ARHGAP24: variants seen among roughly 807,000 people sequenced by gnomAD.
ARHGAP24 encodes the protein rho GTPase-activating protein 24.
In ARHGAP24, 50 loss-of-function variants were observed where a neutral mutation model predicts 76.4. The observed-to-expected ratio is 0.65, with a 90% confidence interval of 0.52 to 0.83. The LOEUF is 0.83. Among genes scored for constraint, ARHGAP24 ranks in the 40% least tolerant of loss-of-function variants. ARHGAP24 has a pLI of 0.00. For synonymous variants in ARHGAP24, 345 were observed against 323.3 expected (o/e 1.07, Z -0.72); for missense variants, 930 against 914.2 (o/e 1.02, Z -0.22).
chr4:85,912,967 G>C (rs1018432229), intron 3 of ARHGAP24, among the ~76,000 whole-genome samples: 3 of 152,048 alleles, frequency 2.0e-5, no homozygotes, highest in African/African-American at 7.2e-5. Flanking sequence ...ATCCTGAGAA[G>C]AGTGAAAAAT....
intron 3 of ARHGAP24, among the ~76,000 whole-genome samples, chr4:85,836,806 A>T (rs936080470): frequency 2.0e-5 from 3 of 152,224 alleles, no homozygotes; most frequent in African/African-American, 7.2e-5. Context: ...TAGCAGCATC[A>T]GTATCCTGTC....
Position 85,846,880 on chromosome 4 carries a change from G to T in ARHGAP24, c.269-76768G>T, listed in dbSNP as rs1246669629. ...ATTTATGTGTCAGGGTGAGATATCA[G>T]AGAAAAATTTACAATAATTTTACTG... On this transcript the variant is annotated intron_variant, in intron 3 of 9. Transcript: ENST00000395184. Among the ~76,000 whole-genome samples the T allele has an allele frequency of 2.0e-5, 3 of 152,186 alleles. No individual in the cohort carries two copies. In the East Asian group the frequency reaches 5.8e-4, roughly 29 times the overall value.
chr4:85,592,364 T>C (rs1728148995), intron 2 of ARHGAP24, among the ~76,000 whole-genome samples: 1 of 152,220 alleles, frequency 6.6e-6, no homozygotes, highest in Non-Finnish European at 1.5e-5. Context: ...ATTAGATTTG[T>C]CTCTATTGAG....
intron 3 of ARHGAP24, among the ~76,000 whole-genome samples, chr4:85,826,980 C>T: frequency 6.6e-6 from 1 of 152,166 alleles, no homozygotes; most frequent in South Asian, 2.1e-4. Flanking sequence ...TTCTCCACTT[C>T]TAAGAAGATC....
intron 2 of ARHGAP24, among the ~76,000 whole-genome samples, chr4:85,707,540 T>C (rs1031350565): frequency 6.6e-6 from 1 of 152,216 alleles, no homozygotes; most frequent in Non-Finnish European, 1.5e-5. Flanking sequence ...AGACTTTAGA[T>C]CCTCAGAAAC....
intron 3 of ARHGAP24, among the ~76,000 whole-genome samples, chr4:85,832,350 C>T (rs1330132273): frequency 2.0e-5 from 3 of 152,130 alleles, no homozygotes; most frequent in Admixed American, 6.5e-5. Flanking sequence ...GAGGTATGGG[C>T]TCTGGATTCG....
intron 3 of ARHGAP24, among the ~76,000 whole-genome samples, chr4:85,778,465 G>C (rs1727389147): frequency 6.6e-6 from 1 of 152,142 alleles, no homozygotes; most frequent in South Asian, 2.1e-4. Flanking sequence ...TTTGTTAACT[G>C]TGGCACTAAC....
At chr4:85,666,353 G>A (rs888955642) in intron 2 of ARHGAP24, among the ~76,000 whole-genome samples, 2 of 151,810 alleles carry the variant, frequency 1.3e-5, no homozygotes, top group East Asian at 3.9e-4. Context: ...TCAAGCTCCT[G>A]TAAGCACTTC....
chr4:85,778,777 C>T lies in ARHGAP24; in HGVS notation c.268+56805C>T, dbSNP rs1398468931. On this transcript the variant is annotated intron_variant, in intron 3 of 9. Transcript: ENST00000395184. Reference sequence around the variant, plus strand: ...TAGCTACAGGAAGAGTTTATATCCCCTTCTACAAGAAAACTTAAATATAGC... The same window carrying T: ...TAGCTACAGGAAGAGTTTATATCCCTTTCTACAAGAAAACTTAAATATAGC... 7 of 985,264 alleles carry T rather than the reference C, an allele frequency of 7.1e-6. No individual in the cohort carries two copies. The African/African-American group carries it at 8.7e-5, about 12-fold the overall frequency. The allele number at this position is 985,264 out of a possible 1,614,324, so 61.0% of individuals were successfully genotyped here.
intron 3 of ARHGAP24, among the ~76,000 whole-genome samples, chr4:85,880,290 G>A (rs1023807581): frequency 6.6e-6 from 1 of 152,148 alleles, no homozygotes; most frequent in Non-Finnish European, 1.5e-5. Flanking sequence ...ATGAAGTGAG[G>A]TGAATGGCAC....
chr4:85,506,191 A>T (rs1724040605), intron 1 of ARHGAP24, among the ~76,000 whole-genome samples: 2 of 152,126 alleles, frequency 1.3e-5, no homozygotes, highest in Admixed American at 1.3e-4. Context: ...GTTAGGCTAC[A>T]TGGGGGTCAG....
chr4:85,633,675 T>C (rs1304337489), intron 2 of ARHGAP24, among the ~76,000 whole-genome samples: 2 of 151,814 alleles, frequency 1.3e-5, no homozygotes, highest in Non-Finnish European at 3.0e-5. Flanking sequence ...AAATTAGAAT[T>C]CAGTTTGAGA....
Position 85,897,537 on chromosome 4 carries a change from A to G in ARHGAP24, c.269-26111A>G, listed in dbSNP as rs183986328. The stretch of plus-strand genomic sequence containing the variant: ...GACTTTCTGATACAAGTCATAATTT[A>G]CAAGTATTCAAATATCTAAAGAAAT... On this transcript the variant is annotated intron_variant, in intron 3 of 9. Coordinates refer to ENST00000395184, the MANE Select transcript of ARHGAP24 (RefSeq NM_001025616.3). Among the ~76,000 whole-genome samples, 48 of 152,356 alleles carry G rather than the reference A, an allele frequency of 3.2e-4. No homozygotes were observed. The East Asian group carries it at 9.1e-3, about 29-fold the overall frequency.
chr4:85,636,200 A>G (rs1252875481), intron 2 of ARHGAP24, among the ~76,000 whole-genome samples: 1 of 151,200 alleles, frequency 6.6e-6, no homozygotes, highest in Non-Finnish European at 1.5e-5. Context: ...TTTTTAACGC[A>G]TCATCTCTCT....
chr4:85,889,288 C>T (rs1037830283), intron 3 of ARHGAP24, among the ~76,000 whole-genome samples: 7 of 152,184 alleles, frequency 4.6e-5, no homozygotes, highest in Admixed American at 2.0e-4. Flanking sequence ...TGGTAATGTC[C>T]GGCAAGATAG....
At chr4:85,609,065 T>A (rs1720299542) in intron 2 of ARHGAP24, among the ~76,000 whole-genome samples, 1 of 152,126 alleles carries the variant, frequency 6.6e-6, no homozygotes, top group African/African-American at 2.4e-5. Context: ...CAAAGGATGG[T>A]TGTGATGATT....
chr4:85,700,546 G>T (rs139346278), intron 2 of ARHGAP24, among the ~76,000 whole-genome samples: 80 of 152,292 alleles, frequency 5.3e-4, no homozygotes, highest in African/African-American at 1.9e-3. Flanking sequence ...CATCAATGGA[G>T]ATAGGAAGGA....
At chr4:85,531,287 C>T (rs951072818) in intron 1 of ARHGAP24, among the ~76,000 whole-genome samples, 1 of 152,058 alleles carries the variant, frequency 6.6e-6, no homozygotes. Flanking sequence ...GTTCACTGCT[C>T]TGTCCCCAAC....
chr4:85,873,717 C>A (rs1560687169), intron 3 of ARHGAP24, among the ~76,000 whole-genome samples: 2 of 152,138 alleles, frequency 1.3e-5, no homozygotes, highest in Admixed American at 1.3e-4. Flanking sequence ...TTTCAGTATA[C>A]CCATCTTATG....
Sources: allele counts gnomAD v4.1 joint callset (sites outside exome capture counted in the v4.1 genomes callset), GRCh38; gene constraint gnomAD v4.1.1; transcripts MANE v1.5; gene names NCBI Gene and HGNC (gene_info 2026-07-23, HGNC 2026-07-21).